The following NSUN4 variants were observed in gnomAD, a reference collection of about 807,000 sequenced individuals.
The protein encoded by NSUN4 is 5-cytosine rRNA methyltransferase NSUN4.
A neutral mutation model predicts 43.8 loss-of-function variants in NSUN4; 31 were observed. The observed-to-expected ratio is 0.71, with a 90% CI of 0.53 to 0.96. The LOEUF (loss-of-function observed/expected upper bound fraction) is 0.96. Ranked by LOEUF, NSUN4 falls within the 40% of genes least tolerant of loss-of-function variation. The probability of loss-of-function intolerance (pLI) is 0.00; values close to 1 mark genes in which losing one functional copy is unlikely to be tolerated. For synonymous variants in NSUN4, 167 were observed against 184.1 expected, an observed-to-expected ratio of 0.91 and a Z score of 0.75; for missense variants, 439 against 475.6, an observed-to-expected ratio of 0.92 and a Z score of 0.72.
At chr1:46,360,249 A>AAAAAAAAAAAAATATATAT (rs1553177947) in intron 4 of NSUN4, among the ~76,000 whole-genome samples, 2 of 25,766 alleles carry the variant, frequency 7.8e-5, no homozygotes, top group Non-Finnish European at 1.4e-4. Flanking sequence ...AAAAAAAAAA[A>AAAAAAAAAAAAATATATAT]ATATATATAT....
In NSUN4 at chr1:46,361,711, T is replaced by G; in HGVS notation, c.1020T>G (p.Asp340Glu). The change falls in exon 6 of 6, where the codon GAT becomes GAG. Residue 340 changes from aspartate (D) to glutamate (E), a missense_variant. Asp to Glu is a conservative substitution (Grantham distance 45). Transcript: ENST00000474844. ...NQYSIQVQVE[D>E]LTHFRRVFMD... ...ACAGCATCCAGGTACAGGTGGAAGATCTGACTCACTTCCGAAGGGTTTTCA... is the reference window on the plus strand; with the variant it reads ...ACAGCATCCAGGTACAGGTGGAAGAGCTGACTCACTTCCGAAGGGTTTTCA... 4 of 1,614,222 alleles carry G rather than the reference T, an allele frequency of 2.5e-6. No homozygotes were observed. The highest frequency in any genetic ancestry group is 1.1e-5 in the South Asian group (1 of 91,086).
At position 46,362,144 on chromosome 1, in the gene NSUN4, T is replaced by C. The variant is rs1663926828; in HGVS notation, c.*298T>C. The C allele has an allele frequency of 2.4e-6, 1 of 414,094 alleles. No individual in the cohort carries two copies. The highest frequency in any genetic ancestry group is 4.4e-6 in the Non-Finnish European group (1 of 227,724). The allele number at this position is 414,094 out of a possible 1,614,324, so 25.7% of individuals were successfully genotyped here. ...AGCCAGTGAGCAGGCTCACACTAAG[T>C]TGTAAACATAGGAGAAGCATTTGGC... On this transcript the variant is annotated 3_prime_UTR_variant, in exon 6 of 6. Transcript: ENST00000474844.
chr1:46,343,492 G>A, intron 1 of NSUN4: 2 of 399,636 alleles, frequency 5.0e-6, no homozygotes, highest in East Asian at 7.1e-5. Flanking sequence ...AATCCCAGCT[G>A]TAGTTCGACT....
chr1:46,351,473 A>T (rs1662976129), intron 3 of NSUN4, among the ~76,000 whole-genome samples: 1 of 152,126 alleles, frequency 6.6e-6, no homozygotes. Flanking sequence ...TGTAGTATCT[A>T]CCAAAGATGA....
At chr1:46,379,203 A>G in the NSUN4 span, among the ~76,000 whole-genome samples, 1 of 152,122 alleles carries the variant, frequency 6.6e-6, no homozygotes, top group Non-Finnish European at 1.5e-5. Flanking sequence ...TCTGCATTCA[A>G]AGTCCTGACA....
chr1:46,341,042 C>A, intron 1 of NSUN4, 123 bp downstream of exon 1: 1 of 1,113,596 alleles, frequency 9.0e-7, no homozygotes, highest in Non-Finnish European at 1.3e-6. Context: ...CGTCCTTAGG[C>A]ACCTCCCTCT....
intron 3 of NSUN4, among the ~76,000 whole-genome samples, chr1:46,347,603 G>C (rs889008838): frequency 6.6e-6 from 1 of 152,186 alleles, no homozygotes; most frequent in Non-Finnish European, 1.5e-5. Context: ...GATTGAAGTA[G>C]GGCTCTGATC....
the NSUN4 span, among the ~76,000 whole-genome samples, chr1:46,375,597 C>T: frequency 1.4e-4 from 21 of 151,620 alleles, 1 homozygote; most frequent in South Asian, 3.5e-3. Context: ...ATTAGCCAGG[C>T]GTGATGGTAT....
downstream of NSUN4, among the ~76,000 whole-genome samples, chr1:46,366,727 A>G (rs113829531): frequency 6.5e-3 from 829 of 127,992 alleles, 14 homozygotes; most frequent in African/African-American, 0.02. Flanking sequence ...AAAAAAAAAA[A>G]AAGTGGGTAG....
intron 2 of NSUN4, among the ~76,000 whole-genome samples, chr1:46,346,606 C>G (rs927247998): frequency 2.0e-5 from 3 of 150,364 alleles, no homozygotes; most frequent in African/African-American, 7.3e-5. Context: ...CACCTGTAAT[C>G]CCAGATATTC....
the NSUN4 span, among the ~76,000 whole-genome samples, chr1:46,371,871 C>G: frequency 6.6e-6 from 1 of 152,076 alleles, no homozygotes; most frequent in African/African-American, 2.4e-5. Context: ...CTCATGTGAA[C>G]TCAGAGAGCA....
Position 46,361,993 on chromosome 1 carries a change from T to A in NSUN4, c.*147T>A. 5.4e-6 allele frequency: 4 copies of A among 741,180 alleles called. No homozygotes were observed. The highest frequency in any genetic ancestry group is 6.5e-6 in the Non-Finnish European group (3 of 461,438). The allele number at this position is 741,180 out of a possible 1,614,324, so 45.9% of individuals were successfully genotyped here. ...TTCTGCAGTTTTCGGCAATAAGAAGTAGAAGATTTGCTGTCCTGCTGTCCA... is the reference window on the plus strand; with the variant it reads ...TTCTGCAGTTTTCGGCAATAAGAAGAAGAAGATTTGCTGTCCTGCTGTCCA... On this transcript the variant is annotated 3_prime_UTR_variant, in exon 6 of 6. Coordinates refer to ENST00000474844, the MANE Select transcript of NSUN4 (RefSeq NM_199044.4).
intron 2 of NSUN4, among the ~76,000 whole-genome samples, chr1:46,345,872 G>C (rs190239608): frequency 6.6e-6 from 1 of 152,112 alleles, no homozygotes; most frequent in Non-Finnish European, 1.5e-5. Context: ...AATATTGGCC[G>C]GGTGTGGTGG....
chr1:46,361,881 T>C lies in NSUN4; in HGVS notation c.*35T>C. ...ATCCCTGAAGCAAGAATACAAAGGG[T>C]ATACTCTGTTGGATGCACCAGAAAC... is the stretch of plus-strand genomic sequence containing the variant. On this transcript the variant is annotated 3_prime_UTR_variant, in exon 6 of 6. Transcript: ENST00000474844. 1 of 1,579,804 alleles carries C rather than the reference T, an allele frequency of 6.3e-7. No individual in the cohort carries two copies. The highest frequency in any genetic ancestry group is 8.6e-7 in the Non-Finnish European group (1 of 1,159,928).
chr1:46,372,758 C>CTGT, the NSUN4 span, among the ~76,000 whole-genome samples: 1 of 151,940 alleles, frequency 6.6e-6, no homozygotes, highest in African/African-American at 2.4e-5. Flanking sequence ...GAATCTCAAT[C>CTGT]TGTTGCCAGG....
the NSUN4 span, among the ~76,000 whole-genome samples, chr1:46,372,400 C>T: frequency 1.3e-5 from 2 of 152,134 alleles, no homozygotes; most frequent in Non-Finnish European, 2.9e-5. Context: ...GTCTTGGCCT[C>T]CCAAAATGCT....
intron 3 of NSUN4, among the ~76,000 whole-genome samples, chr1:46,350,823 C>A (rs1293148274): frequency 6.6e-6 from 1 of 152,162 alleles, no homozygotes; most frequent in African/African-American, 2.4e-5. Context: ...GCCTTAGCCT[C>A]CCTCCCTTTA....
chr1:46,345,925 G>A (rs934499455), intron 2 of NSUN4, among the ~76,000 whole-genome samples: 2 of 151,718 alleles, frequency 1.3e-5, no homozygotes, highest in East Asian at 2.0e-4. Flanking sequence ...TGAGGCGGGC[G>A]GATTGCCTGA....
the NSUN4 span, among the ~76,000 whole-genome samples, chr1:46,375,109 AACTG>A: frequency 6.6e-6 from 1 of 152,154 alleles, no homozygotes; most frequent in Non-Finnish European, 1.5e-5. Context: ...CCCCTGACTA[AACTG>A]ACCAAGAAAA....
Sources: allele counts gnomAD v4.1 joint callset (sites outside exome capture counted in the v4.1 genomes callset), GRCh38; gene constraint gnomAD v4.1.1; transcripts MANE v1.5; gene names NCBI Gene and HGNC (gene_info 2026-07-23, HGNC 2026-07-21).